SH3PXD2A: variants seen among roughly 807,000 people sequenced by gnomAD.
The protein encoded by SH3PXD2A is SH3 and PX domains 2A, also known as SH3 and PX domain-containing protein 2A.
SH3PXD2A carries 32 observed loss-of-function variants against 115.2 expected under a neutral mutation model. The ratio of observed to expected loss-of-function variants is 0.28; its 90% CI spans 0.21 to 0.37. The LOEUF is 0.37. SH3PXD2A is among the 10% of genes least tolerant of loss of function. The probability of loss-of-function intolerance (pLI) is 1.00; values close to 1 mark genes in which losing one functional copy is unlikely to be tolerated. For synonymous variants in SH3PXD2A, 610 were observed against 629.1 expected (o/e 0.97, Z 0.45); for missense variants, 1,328 against 1,498.7 (o/e 0.89, Z 1.88).
Position 103,842,646 on chromosome 10 carries a change from T to C in SH3PXD2A, c.72+12549A>G, listed in dbSNP as rs2039612256. Among the ~76,000 whole-genome samples, 7 of 152,286 alleles carry C rather than the reference T, an allele frequency of 4.6e-5. No individual in the cohort carries two copies. In the South Asian group the frequency reaches 1.5e-3, roughly 32 times the overall value. On this transcript the variant is annotated intron_variant, in intron 1 of 14. Transcript: ENST00000369774. ...CTATGAGTGAGGACAGCAATATTCG[T>C]CTTTCCGTCTTTCCGCACCTGGCTT...
At chr10:103,653,489 C>T (rs1319064218) in intron 8 of SH3PXD2A, among the ~76,000 whole-genome samples, 1 of 152,186 alleles carries the variant, frequency 6.6e-6, no homozygotes, top group African/African-American at 2.4e-5. Context: ...ACCACTAACC[C>T]ATATATTTTG....
chr10:103,751,928 C>T (rs1252168196), intron 3 of SH3PXD2A, among the ~76,000 whole-genome samples: 1 of 152,216 alleles, frequency 6.6e-6, no homozygotes, highest in Non-Finnish European at 1.5e-5. Context: ...GGTATTCATG[C>T]CTCCTGATAT....
intron 1 of SH3PXD2A, among the ~76,000 whole-genome samples, chr10:103,839,097 C>T (rs1268152111): frequency 6.6e-6 from 1 of 152,174 alleles, no homozygotes; most frequent in Non-Finnish European, 1.5e-5. Context: ...TGAAGGCGGC[C>T]CTTGGCTGTG....
intron 5 of SH3PXD2A, among the ~76,000 whole-genome samples, chr10:103,713,815 A>G (rs2038073083): frequency 6.6e-6 from 1 of 152,136 alleles, no homozygotes; most frequent in African/African-American, 2.4e-5. Context: ...CAGGTGGGGG[A>G]GGAGCCAGGG....
In SH3PXD2A at chr10:103,602,829, T is replaced by C. The variant is rs147580812; in HGVS notation, c.2389A>G (p.Ser797Gly). Reference sequence around the variant, plus strand: ...TGCGGGGGCAGCTCCGAATCCTCACTCTTGGAGCCCTTGAGCCCTCCACGG... The same window carrying C: ...TGCGGGGGCAGCTCCGAATCCTCACCCTTGGAGCCCTTGAGCCCTCCACGG... ...QLRGGLKGSK[S>G]EDSELPPQTA... Residue 797 changes from serine to glycine, a missense_variant, in exon 15 of 15, where the codon AGT becomes GGT. Ser to Gly is a moderately conservative substitution (Grantham distance 56). This residue lies in a region of SH3PXD2A where 574 missense variants were observed against 565.7 expected (regional missense o/e 1.01). Coordinates refer to ENST00000369774, the MANE Select transcript of SH3PXD2A (RefSeq NM_001394015.1). The C allele has an allele frequency of 1.2e-6, 2 of 1,614,110 alleles. No individual in the cohort carries two copies. Among genetic ancestry groups the C allele is most frequent in the Non-Finnish European group, 1.7e-6 (2 of 1,180,002 alleles).
intron 5 of SH3PXD2A, among the ~76,000 whole-genome samples, chr10:103,723,762 G>A (rs990760695): frequency 1.3e-5 from 2 of 152,166 alleles, no homozygotes; most frequent in Non-Finnish European, 2.9e-5. Flanking sequence ...ATCATAAAAT[G>A]CTATACATAA....
chr10:103,748,110 G>T (rs2038528981), intron 3 of SH3PXD2A, among the ~76,000 whole-genome samples: 1 of 152,180 alleles, frequency 6.6e-6, no homozygotes. Flanking sequence ...TTGAGCACTT[G>T]GTATGTGCTA....
chr10:103,631,843 G>C (rs1303711313), intron 8 of SH3PXD2A, among the ~76,000 whole-genome samples: 1 of 152,104 alleles, frequency 6.6e-6, no homozygotes, highest in African/African-American at 2.4e-5. Flanking sequence ...GCGGTCAGGT[G>C]GGGGTGGCTC....
intron 2 of SH3PXD2A, among the ~76,000 whole-genome samples, chr10:103,778,969 A>T (rs1260852185): frequency 6.6e-6 from 1 of 152,224 alleles, no homozygotes; most frequent in African/African-American, 2.4e-5. Context: ...AAGGAGTCAG[A>T]TAAGAGATTC....
intron 5 of SH3PXD2A, among the ~76,000 whole-genome samples, chr10:103,700,508 T>C (rs1255514713): frequency 6.6e-6 from 1 of 152,184 alleles, no homozygotes; most frequent in African/African-American, 2.4e-5. Context: ...AGGGCACTGA[T>C]GCAGGACCAT....
chr10:103,782,994 G>T (rs2038946776), intron 2 of SH3PXD2A, among the ~76,000 whole-genome samples: 1 of 152,114 alleles, frequency 6.6e-6, no homozygotes, highest in African/African-American at 2.4e-5. Context: ...GAGTGCCCAG[G>T]AGTCAGCTCC....
intron 14 of SH3PXD2A, among the ~76,000 whole-genome samples, 192 bp from the exon 15 acceptor site, chr10:103,603,981 A>G (rs2036261592): frequency 2.0e-5 from 3 of 152,266 alleles, no homozygotes; most frequent in South Asian, 2.1e-4. Context: ...CTAGGTCTCT[A>G]TCATCTCATG....
chr10:103,646,388 C>T (rs902406850), intron 8 of SH3PXD2A, among the ~76,000 whole-genome samples: 2 of 152,174 alleles, frequency 1.3e-5, no homozygotes, highest in African/African-American at 2.4e-5. Context: ...CTCCCCTAGT[C>T]CAGATACCCC....
At chr10:103,805,997 C>T (rs1388696083) in intron 1 of SH3PXD2A, among the ~76,000 whole-genome samples, 2 of 152,236 alleles carry the variant, frequency 1.3e-5, no homozygotes, top group African/African-American at 2.4e-5. Flanking sequence ...TGGCCCTTGC[C>T]GGCCACAGCC....
rs748216122 is a variant in SH3PXD2A, at chr10:103,603,712, G to A, written c.1506C>T (p.Ile502=). 9.3e-6 allele frequency: 15 copies of A among 1,610,818 alleles called. No individual in the cohort carries two copies. Among genetic ancestry groups the A allele is most frequent in the East Asian group, 2.2e-5 (1 of 44,880 alleles). Residue 502 remains isoleucine (I), a synonymous_variant, in exon 15 of 15, where the codon ATC becomes ATT. Coordinates refer to ENST00000369774, the MANE Select transcript of SH3PXD2A (RefSeq NM_001394015.1). The part of the protein sequence containing the change: ...EKEGWAPASY[I]DKRKKPNLSR... ...TCAGGTTGGGCTTCTTGCGCTTATC[G>A]ATGTATGATGCGGGGGCCCAGCCCT...
intron 3 of SH3PXD2A, among the ~76,000 whole-genome samples, chr10:103,737,195 T>C (rs1043046162): frequency 6.6e-6 from 1 of 152,242 alleles, no homozygotes; most frequent in Non-Finnish European, 1.5e-5. Flanking sequence ...TGGATGTCGG[T>C]AGCTGTTCCT....
rs537411752 is a variant in SH3PXD2A at position 103,813,076 on chromosome 10, A to G, written c.73-11714T>C. Among the ~76,000 whole-genome samples, 3 of 152,338 alleles carry G rather than the reference A, an allele frequency of 2.0e-5. No homozygotes were observed. The South Asian group carries it at 6.2e-4, about 32-fold the overall frequency. ...TACTAAAGATAAGGTGGACTTTTCT[A>G]TATCATTATGGGAAAAGGTTTATAG... On this transcript the variant is annotated intron_variant, in intron 1 of 14. Coordinates refer to ENST00000369774, the MANE Select transcript of SH3PXD2A (RefSeq NM_001394015.1).
chr10:103,595,005 C>A lies in SH3PXD2A; in HGVS notation c.*6811G>T, dbSNP rs1405690498. 1 of 152,222 alleles carries A rather than the reference C, an allele frequency of 6.6e-6. No individual in the cohort carries two copies. Among genetic ancestry groups the A allele is most frequent in the African/African-American group, 2.4e-5 (1 of 41,438 alleles). 9.4% of individuals were successfully genotyped at this position (152,222 alleles called of 1,614,324 possible). A position where few individuals can be genotyped will look rare whatever the true frequency, so the allele number is the denominator to read the frequency against. ...GGTCACTGCTCTTTGAGCCATACAA[C>A]TTGAGAGACTGGCTTTGGATTGGAC... On this transcript the variant is annotated 3_prime_UTR_variant, in exon 15 of 15. Transcript: ENST00000369774.
chr10:103,701,253 T>G (rs941860333), intron 5 of SH3PXD2A, among the ~76,000 whole-genome samples: 15 of 142,550 alleles, frequency 1.1e-4, no homozygotes, highest in African/African-American at 3.8e-4. Flanking sequence ...CCATCCATCA[T>G]CCATCCACCA....
Sources: allele counts gnomAD v4.1 joint callset (sites outside exome capture counted in the v4.1 genomes callset), GRCh38; gene constraint gnomAD v4.1.1; regional missense constraint gnomAD v4.1.1; transcripts MANE v1.5; gene names NCBI Gene and HGNC (gene_info 2026-07-23, HGNC 2026-07-21).